The following SLC12A6 variants were observed in gnomAD, a reference collection of about 807,000 sequenced individuals.
The protein encoded by SLC12A6 is K-Cl cotransporter 3.
In SLC12A6, 66 loss-of-function variants were observed where a neutral mutation model predicts 135.3. The observed-to-expected ratio is 0.49, with a 90% CI of 0.40 to 0.60. The LOEUF is 0.60. SLC12A6 is among the 20% of genes least tolerant of loss of function. The pLI is 0.00. For synonymous variants in SLC12A6, 513 were observed against 508.8 expected, an observed-to-expected ratio of 1.01 and a Z score of -0.11; for missense variants, 1,058 against 1,452.3, an observed-to-expected ratio of 0.73 and a Z score of 4.41.
intron 13 of SLC12A6, among the ~76,000 whole-genome samples, chr15:34,246,613 T>G (rs988854922): frequency 6.6e-6 from 1 of 152,144 alleles, no homozygotes; most frequent in Non-Finnish European, 1.5e-5. Context: ...TATGCACATA[T>G]CTACATTCAC....
intron 21 of SLC12A6, among the ~76,000 whole-genome samples, 166 bp downstream of exon 21, chr15:34,238,066 T>C (rs1891393152): frequency 6.6e-6 from 1 of 152,192 alleles, no homozygotes; most frequent in Non-Finnish European, 1.5e-5. Context: ...ACAAAGACAA[T>C]GATTTCTCTT....
At chr15:34,332,292 C>T (rs1889902292) in intron 2 of SLC12A6, among the ~76,000 whole-genome samples, 1 of 152,158 alleles carries the variant, frequency 6.6e-6, no homozygotes. Flanking sequence ...GTGCCTTATC[C>T]TTAACTCATT....
chr15:34,236,841 G>T, intron 22 of SLC12A6, 26 bp from the exon 23 acceptor site: 1 of 1,295,590 alleles, frequency 7.7e-7, no homozygotes, highest in Non-Finnish European at 1.1e-6. Context: ...CATAAAAGGG[G>T]CAAAAAGCAC....
chr15:34,316,503 C>T (rs947410863), intron 2 of SLC12A6, among the ~76,000 whole-genome samples: 1 of 152,164 alleles, frequency 6.6e-6, no homozygotes, highest in Non-Finnish European at 1.5e-5. Flanking sequence ...TAATATACTA[C>T]CAGCAGTTGT....
intron 8 of SLC12A6, 108 bp from the exon 9 acceptor site, chr15:34,254,697 A>G (rs1254415443): frequency 2.4e-6 from 2 of 834,014 alleles, no homozygotes; most frequent in Non-Finnish European, 3.9e-6. Flanking sequence ...GCTGAGAGAG[A>G]AAATGACTGG....
chr15:34,290,535 G>A (rs1337642621), intron 2 of SLC12A6, among the ~76,000 whole-genome samples: 2 of 152,172 alleles, frequency 1.3e-5, no homozygotes, highest in African/African-American at 4.8e-5. Context: ...GGATATCCTT[G>A]TTAATTTTCT....
chr15:34,308,287 T>G (rs185786362), intron 2 of SLC12A6, among the ~76,000 whole-genome samples: 1 of 152,090 alleles, frequency 6.6e-6, no homozygotes, highest in Non-Finnish European at 1.5e-5. Context: ...TCGCTGATAA[T>G]TGCATCTTCC....
chr15:34,309,054 C>T (rs143431256), intron 2 of SLC12A6, among the ~76,000 whole-genome samples: 77 of 152,238 alleles, frequency 5.1e-4, no homozygotes, highest in African/African-American at 1.8e-3. Flanking sequence ...GTTACCTGTC[C>T]TGATTGTTGT....
At position 34,291,805 on chromosome 15, in the gene SLC12A6, G is replaced by A. The variant is rs191703145; in HGVS notation, c.272-16416C>T. ...TTGAAGCTTGTGTATGCTTCACTAA[G>A]TTCTTGTACTGTGGTTTTCAGATCC... On this transcript the variant is annotated intron_variant, in intron 2 of 25. Transcript: ENST00000354181. Among the ~76,000 whole-genome samples, 498 of 151,990 alleles carry A rather than the reference G, an allele frequency of 3.3e-3. 7 individuals carry two copies. The highest frequency in any genetic ancestry group is 0.011 in the African/African-American group (458 of 41,444).
intron 13 of SLC12A6, 84 bp from the exon 14 acceptor site, chr15:34,245,951 G>T: frequency 9.5e-7 from 1 of 1,048,834 alleles, no homozygotes; most frequent in Admixed American, 1.9e-5. Context: ...ATTTTTTTTT[G>T]AGACAGAATC....
At chr15:34,330,659 C>T (rs1177585427) in intron 2 of SLC12A6, among the ~76,000 whole-genome samples, 1 of 150,010 alleles carries the variant, frequency 6.7e-6, no homozygotes, top group Admixed American at 6.6e-5. Context: ...AGAATGAGAC[C>T]CTGTCTCAAA....
At chr15:34,314,408 TC>T (rs1455514251) in intron 2 of SLC12A6, among the ~76,000 whole-genome samples, 2 of 152,150 alleles carry the variant, frequency 1.3e-5, no homozygotes, top group African/African-American at 4.8e-5. Flanking sequence ...AAGATTTCTT[TC>T]AAAATATTAC....
At position 34,236,274 on chromosome 15, in the gene SLC12A6, G is replaced by A. The variant is rs17817800; in HGVS notation, c.3043-75C>T. 194,493 of 1,074,528 alleles carry A rather than the reference G, an allele frequency of 0.18. 17,916 individuals are homozygous for A. Among genetic ancestry groups the A allele is most frequent in the East Asian group, 0.27 (11,098 of 41,710 alleles). 66.6% of individuals were successfully genotyped at this position (1,074,528 alleles called of 1,614,324 possible). A position where few individuals can be genotyped will look rare whatever the true frequency, so the allele number is the denominator to read the frequency against. On this transcript the variant is annotated intron_variant, in intron 23 of 25. Transcript: ENST00000354181. ...CTTCATCTTTGGTTATTTTGAAGCA[G>A]TAATGGGTTATAGTGGAATAACTGA...
At chr15:34,327,161 A>C (rs1440595604) in intron 2 of SLC12A6, among the ~76,000 whole-genome samples, 1 of 152,140 alleles carries the variant, frequency 6.6e-6, no homozygotes, top group Non-Finnish European at 1.5e-5. Flanking sequence ...AAAAAATGAA[A>C]AAATACCAAA....
intron 2 of SLC12A6, among the ~76,000 whole-genome samples, chr15:34,325,037 T>C (rs780563420): frequency 3.3e-5 from 5 of 152,192 alleles, no homozygotes; most frequent in Non-Finnish European, 7.3e-5. Context: ...AAAACTCAAT[T>C]TCTGAACTTA....
intron 3 of SLC12A6, among the ~76,000 whole-genome samples, chr15:34,271,079 G>A (rs1301299621): frequency 6.6e-6 from 1 of 152,074 alleles, no homozygotes; most frequent in Non-Finnish European, 1.5e-5. Context: ...CAAAACGTGA[G>A]GATTATGGGA....
intron 9 of SLC12A6, among the ~76,000 whole-genome samples, chr15:34,252,712 A>C (rs952171996): frequency 6.6e-6 from 1 of 152,244 alleles, no homozygotes; most frequent in Admixed American, 6.5e-5. Flanking sequence ...AGGTGGTGGC[A>C]GTGAAGGAAG....
chr15:34,245,889 G>C, intron 13 of SLC12A6, 22 bp from the exon 14 acceptor site: 1 of 1,591,182 alleles, frequency 6.3e-7, no homozygotes, highest in Non-Finnish European at 8.6e-7. Context: ...ATAGGAGTGG[G>C]AAATTTAATC....
chr15:34,253,399 C>T (rs1479817192), intron 9 of SLC12A6, among the ~76,000 whole-genome samples: 1 of 152,116 alleles, frequency 6.6e-6, no homozygotes, highest in Non-Finnish European at 1.5e-5. Context: ...CAGAATGTCA[C>T]CTTTAGAAAT....
Sources: gnomAD v4.1 joint callset for allele counts (sites outside exome capture counted in the v4.1 genomes callset) on GRCh38, gnomAD v4.1.1 for gene constraint, MANE v1.5 for transcripts, NCBI Gene and HGNC (gene_info 2026-07-23, HGNC 2026-07-21) for gene names.